The following RASSF3 variants were observed in gnomAD, a reference collection of about 807,000 sequenced individuals.
RASSF3 encodes the protein ras association domain-containing protein 3.
Under a neutral mutation model 19.9 loss-of-function variants are expected in RASSF3, and 19 were observed. The ratio of observed to expected loss-of-function variants is 0.96; its 90% CI spans 0.67 to 1.40. The LOEUF is 1.40. RASSF3 is among the 40% of genes most tolerant of loss of function. The pLI is 0.00. For synonymous variants in RASSF3, 110 were observed against 104.2 expected (o/e 1.06, Z -0.34); for missense variants, 306 against 289.8 (o/e 1.06, Z -0.41).
intron 2 of RASSF3, among the ~76,000 whole-genome samples, chr12:64,559,126 G>A (rs1023690867): frequency 1.1e-4 from 16 of 152,272 alleles, no homozygotes; most frequent in African/African-American, 3.4e-4. Context: ...CATCGGCGCT[G>A]ACCTGCGGAG....
intron 1 of RASSF3, among the ~76,000 whole-genome samples, chr12:64,632,488 G>T (rs561578919): frequency 2.0e-5 from 3 of 152,226 alleles, no homozygotes; most frequent in Admixed American, 6.5e-5. Context: ...AGGTAATTAG[G>T]GCTAGAAATA....
chr12:64,633,393 T>C (rs1429357593), intron 1 of RASSF3, among the ~76,000 whole-genome samples: 1 of 152,192 alleles, frequency 6.6e-6, no homozygotes, highest in Non-Finnish European at 1.5e-5. Context: ...CTTGGTGATA[T>C]GTGAGTTCTT....
At chr12:64,692,782 G>A (rs1011470744) in intron 4 of RASSF3, among the ~76,000 whole-genome samples, 7 of 152,172 alleles carry the variant, frequency 4.6e-5, no homozygotes, top group Non-Finnish European at 7.3e-5. Flanking sequence ...TCACTACGTT[G>A]CCCAAGCTGG....
At chr12:64,660,021 T>C (rs1872293513) in intron 1 of RASSF3, among the ~76,000 whole-genome samples, 2 of 145,190 alleles carry the variant, frequency 1.4e-5, no homozygotes, top group South Asian at 4.5e-4. Flanking sequence ...TATATGTGTG[T>C]GTGTGTATGT....
In RASSF3 at chr12:64,694,881, A is replaced by C. The variant is rs767688780; in HGVS notation, c.686A>C (p.Glu229Ala). Residue 229 changes from glutamate to alanine, a missense_variant, in exon 5 of 5, where the codon GAA becomes GCA. Physicochemically the swap from Glu to Ala is moderately radical, Grantham distance 107. Coordinates refer to ENST00000542104, the MANE Select transcript of RASSF3 (RefSeq NM_178169.4). ...RYTAYRQKLEEALREVWKPD is the reference protein window; with the variant it reads ...RYTAYRQKLEAALREVWKPD ...ACAGCCTACAGGCAGAAGCTGGAAGAAGCCCTCCGTGAGGTGTGGAAGCCT... is the reference window on the plus strand; with the variant it reads ...ACAGCCTACAGGCAGAAGCTGGAAGCAGCCCTCCGTGAGGTGTGGAAGCCT... 6.2e-7 allele frequency: 1 copy of C among 1,614,234 alleles called. No homozygotes were observed. Among genetic ancestry groups the C allele is most frequent in the South Asian group, 1.1e-5 (1 of 91,088 alleles).
chr12:64,683,988 AGGAG>A (rs1254962116), intron 1 of RASSF3, among the ~76,000 whole-genome samples: 1 of 118,094 alleles, frequency 8.5e-6, no homozygotes, highest in African/African-American at 3.2e-5. Flanking sequence ...GAGGGAGAGA[AGGAG>A]AGAGAGAGAG....
At chr12:64,636,995 TGA>T (rs1871349012) in intron 1 of RASSF3, among the ~76,000 whole-genome samples, 1 of 152,076 alleles carries the variant, frequency 6.6e-6, no homozygotes, top group Non-Finnish European at 1.5e-5. Flanking sequence ...GGTTATTCCA[TGA>T]GAGTCTTGCT....
rs114844279 is a variant in RASSF3 at position 64,689,630 on chromosome 12, C to T, written c.457+1177C>T. On this transcript the variant is annotated intron_variant, in intron 3 of 4. Transcript: ENST00000542104. ...TTTAGCTGTACAATCTGAAAGTAAT[C>T]GTGACTTGTTGAAATATTACCCCCA... Among the ~76,000 whole-genome samples the T allele has an allele frequency of 3.2e-3, 490 of 152,116 alleles. 5 individuals are homozygous for T. The highest frequency in any genetic ancestry group is 0.011 in the African/African-American group (472 of 41,514).
intron 1 of RASSF3, among the ~76,000 whole-genome samples, chr12:64,613,467 AAG>A (rs1419560016): frequency 6.6e-6 from 1 of 152,084 alleles, no homozygotes; most frequent in Non-Finnish European, 1.5e-5. Context: ...AATGGGGAGA[AAG>A]GGGTGAGGGA....
At chr12:64,643,113 G>A (rs1201452735) in intron 1 of RASSF3, among the ~76,000 whole-genome samples, 5 of 143,678 alleles carry the variant, frequency 3.5e-5, no homozygotes, top group African/African-American at 5.0e-5. Flanking sequence ...CTCCCCACCC[G>A]CCTCACCCTC....
chr12:64,639,859 AAG>A (rs1291028428), intron 1 of RASSF3, among the ~76,000 whole-genome samples: 4 of 152,372 alleles, frequency 2.6e-5, no homozygotes, highest in African/African-American at 9.6e-5. Context: ...AGGAATCAAT[AAG>A]AGAGCCACTT....
At chr12:64,667,660 G>A (rs964484141) in intron 1 of RASSF3, among the ~76,000 whole-genome samples, 16 of 152,228 alleles carry the variant, frequency 1.1e-4, no homozygotes, top group Non-Finnish European at 4.4e-5. Flanking sequence ...AAGAAAGACA[G>A]GAGTAAGGTG....
chr12:64,669,018 T>C (rs1872614509), intron 1 of RASSF3, among the ~76,000 whole-genome samples: 2 of 152,110 alleles, frequency 1.3e-5, no homozygotes, highest in African/African-American at 2.4e-5. Context: ...GGAAGTCAAG[T>C]CCTAAATTGA....
intron 1 of RASSF3, among the ~76,000 whole-genome samples, chr12:64,619,890 GA>G (rs1421741123): frequency 1.3e-5 from 2 of 151,444 alleles, no homozygotes; most frequent in Non-Finnish European, 2.9e-5. Flanking sequence ...TGAGACAGGA[GA>G]ATCGCTTGAA....
intron 3 of RASSF3, among the ~76,000 whole-genome samples, chr12:64,689,788 A>ATTTTTTTTTTTT (rs1285995154): frequency 2.1e-4 from 9 of 42,906 alleles, no homozygotes; most frequent in African/African-American, 2.3e-4. Flanking sequence ...TAATTCGCTA[A>ATTTTTTTTTTTT]TTCTTTTTTT....
rs767180678 is a variant in RASSF3, at chr12:64,678,648, C to CAAAAAAAAAAAA, written c.112-6133_112-6122dup. Among the ~76,000 whole-genome samples, 5 of 90,904 alleles carry CAAAAAAAAAAAA rather than the reference C, an allele frequency of 5.5e-5. No homozygotes were observed. In the East Asian group the frequency reaches 1.0e-3, roughly 19 times the overall value. The allele number at this position is 90,904 out of a possible 152,430, so 59.6% of individuals were successfully genotyped here. A position where few individuals can be genotyped will look rare whatever the true frequency, so the allele number is the denominator to read the frequency against. On this transcript the variant is annotated intron_variant, in intron 1 of 4. Coordinates refer to ENST00000542104, the MANE Select transcript of RASSF3 (RefSeq NM_178169.4). The stretch of plus-strand genomic sequence containing the variant: ...TATTTTTTAAAGAGATCCGTAATAC[C>CAAAAAAAAAAAA]AAAAAAAAAAAAAAAAACCAAACAA...
chr12:64,668,771 T>G (rs1872606291), intron 1 of RASSF3, among the ~76,000 whole-genome samples: 1 of 149,842 alleles, frequency 6.7e-6, no homozygotes, highest in South Asian at 2.1e-4. Flanking sequence ...AAGCTCTGCC[T>G]TCCGGGTTCA....
downstream of RASSF3, among the ~76,000 whole-genome samples, chr12:64,546,571 A>G (rs1354881274): frequency 1.3e-5 from 2 of 152,198 alleles, no homozygotes; most frequent in Non-Finnish European, 2.9e-5. Flanking sequence ...CACCTGGCCA[A>G]TACATTGTTT....
intron 1 of RASSF3, among the ~76,000 whole-genome samples, chr12:64,511,997 GC>G (rs1372211590): frequency 6.6e-6 from 1 of 152,158 alleles, no homozygotes; most frequent in Non-Finnish European, 1.5e-5. Flanking sequence ...GCAGATGTAA[GC>G]ACATCTGGAC....
Sources: gnomAD v4.1 joint callset for allele counts (sites outside exome capture counted in the v4.1 genomes callset) on GRCh38, gnomAD v4.1.1 for gene constraint, MANE v1.5 for transcripts, NCBI Gene and HGNC (gene_info 2026-07-23, HGNC 2026-07-21) for gene names.